Variants in BUB3 observed in about 807,000 individuals in gnomAD.
The protein encoded by BUB3 is mitotic checkpoint protein BUB3.
A neutral mutation model predicts 39.9 loss-of-function variants in BUB3; 22 were observed. The observed-to-expected ratio is 0.55, with a 90% CI of 0.39 to 0.79. The LOEUF (loss-of-function observed/expected upper bound fraction) is 0.79. Ranked by LOEUF, BUB3 falls within the 30% of genes least tolerant of loss-of-function variation. BUB3 has a pLI of 0.00. For synonymous variants in BUB3, 168 were observed against 155.1 expected (o/e 1.08, Z -0.62); for missense variants, 303 against 415.4 (o/e 0.73, Z 2.35).
chr10:123,157,160 A>G (rs1019657199), intron 3 of BUB3, among the ~76,000 whole-genome samples: 8 of 152,230 alleles, frequency 5.3e-5, no homozygotes, highest in Admixed American at 2.0e-4. Context: ...GAAAATGTCT[A>G]TTGAAAATTT....
chr10:123,163,250 C>A (rs1264308881), intron 7 of BUB3: 1 of 172,474 alleles, frequency 5.8e-6, no homozygotes, highest in Non-Finnish European at 1.2e-5. Context: ...AAGTAAGTGA[C>A]CTTCAGGTCT....
At chr10:123,161,799 T>A (rs1010762949) in intron 5 of BUB3, among the ~76,000 whole-genome samples, 1 of 152,252 alleles carries the variant, frequency 6.6e-6, no homozygotes, top group Non-Finnish European at 1.5e-5. Context: ...GATGGAAGAC[T>A]GGTGTTCTAG....
Position 123,164,576 on chromosome 10 carries a change from T to C in BUB3, c.*741T>C. The C allele has an allele frequency of 8.1e-6, 8 of 987,248 alleles. No individual in the cohort carries two copies. The highest frequency in any genetic ancestry group is 9.6e-6 in the Non-Finnish European group (8 of 831,198). 61.2% of individuals were successfully genotyped at this position (987,248 alleles called of 1,614,324 possible). A position where few individuals can be genotyped will look rare whatever the true frequency, so the allele number is the denominator to read the frequency against. ...GAGCATATCTGTGTATTTGGAAAAA[T>C]AATTGTAACGTAATTGCAGTGCATT... On this transcript the variant is annotated 3_prime_UTR_variant, in exon 8 of 8. Coordinates refer to ENST00000368865, the MANE Select transcript of BUB3 (RefSeq NM_004725.4).
In BUB3 at chr10:123,165,807, G is replaced by A. The variant is rs1200523753; in HGVS notation, c.*1972G>A. ...CCATCAAATACTAAATCACAGTGAA[G>A]CCCTTGGGAAGGTAAATAATGTAAT... On this transcript the variant is annotated 3_prime_UTR_variant, in exon 8 of 8. Transcript: ENST00000368865. 1 of 152,132 alleles carries A rather than the reference G, an allele frequency of 6.6e-6. No homozygotes were observed. Among genetic ancestry groups the A allele is most frequent in the East Asian group, 1.9e-4 (1 of 5,188 alleles). 9.4% of individuals were successfully genotyped at this position (152,132 alleles called of 1,614,324 possible). A position where few individuals can be genotyped will look rare whatever the true frequency, so the allele number is the denominator to read the frequency against.
chr10:123,154,753 C>A, intron 1 of BUB3, 165 bp from the exon 2 acceptor site: 1 of 710,010 alleles, frequency 1.4e-6, no homozygotes, highest in Non-Finnish European at 2.2e-6. Flanking sequence ...GATGATGGGG[C>A]GAGTCCGGAC....
In BUB3 at chr10:123,162,793, C is replaced by T. The variant is rs1844442711; in HGVS notation, c.936C>T (p.Phe312=). The change falls in exon 7 of 8, where the codon TTC becomes TTT. Residue 312 remains phenylalanine (F), a synonymous_variant. Transcript: ENST00000368865. ...DDTEHPEDGI[F]IRQVTDAETK... is the part of the protein sequence containing the mutation. ...CAGAACATCCTGAAGATGGTATCTTCATTCGCCAAGTGACAGATGCAGAAA... is the reference window on the plus strand; with the variant it reads ...CAGAACATCCTGAAGATGGTATCTTTATTCGCCAAGTGACAGATGCAGAAA... 1.9e-6 allele frequency: 3 copies of T among 1,613,450 alleles called. No individual in the cohort carries two copies. Among genetic ancestry groups the T allele is most frequent in the South Asian group, 1.1e-5 (1 of 90,900 alleles).
At position 123,162,419 on chromosome 10, in the gene BUB3, G is replaced by C; in HGVS notation, c.754+6G>C. 5.6e-6 allele frequency: 9 copies of C among 1,612,560 alleles called. No homozygotes were observed. Among genetic ancestry groups the C allele is most frequent in the Non-Finnish European group, 7.6e-6 (9 of 1,179,242 alleles). On this transcript the variant is annotated splice_donor_region_variant and intron_variant, in intron 6 of 7. Transcript: ENST00000368865. ...CCACAATACATTTGCCACAGGTAAA[G>C]TATGGCATGCTGACCTATATTTAAT...
rs936428447 is a variant in BUB3 at position 123,164,295 on chromosome 10, A to G, written c.*460A>G. The G allele has an allele frequency of 5.1e-6, 5 of 986,244 alleles. No individual in the cohort carries two copies. In the African/African-American group the frequency reaches 7.0e-5, roughly 14 times the overall value. 61.1% of individuals were successfully genotyped at this position (986,244 alleles called of 1,614,324 possible). A position where few individuals can be genotyped will look rare whatever the true frequency, so the allele number is the denominator to read the frequency against. On this transcript the variant is annotated 3_prime_UTR_variant, in exon 8 of 8. Transcript: ENST00000368865. ...TGCTTCATGAGGAGGTTAATCTACA[A>G]TTAAACAATATTTCCTCTTGGCCGT...
Position 123,170,132 on chromosome 10 carries a change from G to A in BUB3, c.*6297G>A, listed in dbSNP as rs1161957814. On this transcript the variant is annotated 3_prime_UTR_variant, in exon 8 of 8. Coordinates refer to ENST00000368865, the MANE Select transcript of BUB3 (RefSeq NM_004725.4). ...AGAGAATACCTAGCTCATGGAGTTA[G>A]GAACAAGTATGTTAAATATTTATCA... The A allele has an allele frequency of 6.6e-6, 1 of 152,166 alleles. No individual in the cohort carries two copies. The highest frequency in any genetic ancestry group is 1.5e-5 in the Non-Finnish European group (1 of 68,042). 9.4% of individuals were successfully genotyped at this position (152,166 alleles called of 1,614,324 possible).
Position 123,164,428 on chromosome 10 carries a change from A to G in BUB3, c.*593A>G. On this transcript the variant is annotated 3_prime_UTR_variant, in exon 8 of 8. Coordinates refer to ENST00000368865, the MANE Select transcript of BUB3 (RefSeq NM_004725.4). ...CTAGTTTTCAATCTTATTAGGGTGC[A>G]GAAGGAAAACTAATAAGAAAACCTC... is the stretch of plus-strand genomic sequence containing the variant. 2.0e-6 allele frequency: 2 copies of G among 985,686 alleles called. No homozygotes were observed. Among genetic ancestry groups the G allele is most frequent in the Non-Finnish European group, 2.4e-6 (2 of 830,104 alleles). The allele number at this position is 985,686 out of a possible 1,614,324, so 61.1% of individuals were successfully genotyped here. A position where few individuals can be genotyped will look rare whatever the true frequency, so the allele number is the denominator to read the frequency against.
At chr10:123,158,672 C>T (rs1027510626) in intron 4 of BUB3, among the ~76,000 whole-genome samples, 3 of 152,124 alleles carry the variant, frequency 2.0e-5, no homozygotes, top group South Asian at 4.1e-4. Flanking sequence ...ACATCACAGT[C>T]GAATCTACTC....
At chr10:123,159,646 AAAGTTT>A (rs1156336548) in intron 4 of BUB3, among the ~76,000 whole-genome samples, 1 of 152,208 alleles carries the variant, frequency 6.6e-6, no homozygotes, top group African/African-American at 2.4e-5. Flanking sequence ...ATTTTTGTGG[AAAGTTT>A]AATATTGAAG....
chr10:123,155,585 T>A, intron 2 of BUB3, 73 bp from the exon 3 acceptor site: 1 of 1,410,840 alleles, frequency 7.1e-7, no homozygotes, highest in Non-Finnish European at 1.0e-6. Context: ...ACTGAACACT[T>A]GCTTGTAGAA....
Position 123,169,696 on chromosome 10 carries a change from C to T in BUB3, c.*5861C>T, listed in dbSNP as rs1844527849. Reference sequence around the variant, plus strand: ...CTAGCATCTTGTCAAATCTTTGAGCCCACTCACTCAGAGGGCCTGTCACTC... The same window carrying T: ...CTAGCATCTTGTCAAATCTTTGAGCTCACTCACTCAGAGGGCCTGTCACTC... On this transcript the variant is annotated 3_prime_UTR_variant, in exon 8 of 8. Transcript: ENST00000368865. The T allele has an allele frequency of 1.3e-5, 2 of 152,162 alleles. No homozygotes were observed. Among genetic ancestry groups the T allele is most frequent in the South Asian group, 4.1e-4 (2 of 4,824 alleles). 9.4% of individuals were successfully genotyped at this position (152,162 alleles called of 1,614,324 possible).
chr10:123,165,102 C>T lies in BUB3; in HGVS notation c.*1267C>T. 1 of 1,575,204 alleles carries T rather than the reference C, an allele frequency of 6.3e-7. No individual in the cohort carries two copies. The highest frequency in any genetic ancestry group is 8.7e-7 in the Non-Finnish European group (1 of 1,147,092). The stretch of plus-strand genomic sequence containing the variant: ...CTCTATGGAAAGCTTTGTTTGCTTC[C>T]TACAAATACATGCTTATTCCTTAAG... On this transcript the variant is annotated 3_prime_UTR_variant, in exon 8 of 8. Transcript: ENST00000368865.
At chr10:123,155,253 G>C (rs1173874516) in intron 2 of BUB3, 141 bp downstream of exon 2, 2 of 970,848 alleles carry the variant, frequency 2.1e-6, no homozygotes, top group East Asian at 2.6e-5. Flanking sequence ...AGGAGCATCT[G>C]CCTTGAACCT....
intron 7 of BUB3, 42 bp from the exon 8 acceptor site, chr10:123,163,778 A>G (rs1844453518): frequency 6.4e-7 from 1 of 1,567,048 alleles, no homozygotes; most frequent in African/African-American, 1.4e-5. Flanking sequence ...CTGGCTGGCC[A>G]TTTTGATCTC....
intron 1 of BUB3, 66 bp from the exon 2 acceptor site, chr10:123,154,852 G>A (rs1384545931): frequency 2.0e-6 from 3 of 1,529,320 alleles, no homozygotes; most frequent in Non-Finnish European, 2.7e-6. Context: ...GACCCCCAGT[G>A]CCAGGCTGTC....
Position 123,165,580 on chromosome 10 carries a change from CCT to C in BUB3, c.*1749_*1750del, listed in dbSNP as rs1417579532. The C allele has an allele frequency of 6.6e-6, 1 of 152,218 alleles. No individual in the cohort carries two copies. Among genetic ancestry groups the C allele is most frequent in the Non-Finnish European group, 1.5e-5 (1 of 68,242 alleles). 9.4% of individuals were successfully genotyped at this position (152,218 alleles called of 1,614,324 possible). A position where few individuals can be genotyped will look rare whatever the true frequency, so the allele number is the denominator to read the frequency against. On this transcript the variant is annotated 3_prime_UTR_variant, in exon 8 of 8. Coordinates refer to ENST00000368865, the MANE Select transcript of BUB3 (RefSeq NM_004725.4). ...CCATTTCCCTCATGCCCCCTTGTGC[CCT>C]CTCGGTGGATCAGCAGGGCCTTTGA...
Sources: allele counts gnomAD v4.1 joint callset (sites outside exome capture counted in the v4.1 genomes callset), GRCh38; gene constraint gnomAD v4.1.1; transcripts MANE v1.5; gene names NCBI Gene and HGNC (gene_info 2026-07-23, HGNC 2026-07-21).